Variants in CYP4F11 observed in about 807,000 individuals in gnomAD.
The protein encoded by CYP4F11 is cytochrome P450 4F11.
CYP4F11 carries 79 observed loss-of-function variants against 62.2 expected under a neutral mutation model. That is an observed-to-expected ratio of 1.27 (90% CI 1.06 to 1.53). The LOEUF (loss-of-function observed/expected upper bound fraction) is 1.53. Ranked by LOEUF, CYP4F11 falls within the 40% of genes most tolerant of loss-of-function variation. CYP4F11 has a pLI of 0.00. For synonymous variants in CYP4F11, 290 were observed against 263.7 expected, an observed-to-expected ratio of 1.10 and a Z score of -0.97; for missense variants, 777 against 680.5, an observed-to-expected ratio of 1.14 and a Z score of -1.58.
intron 1 of CYP4F11, among the ~76,000 whole-genome samples, chr19:15,931,431 G>A (rs985633819): frequency 5.3e-5 from 8 of 151,946 alleles, no homozygotes; most frequent in African/African-American, 1.5e-4. Context: ...GAGACCCTCA[G>A]AGGTGCAGTA....
At chr19:15,921,528 G>A (rs2089629142) in intron 8 of CYP4F11, among the ~76,000 whole-genome samples, 1 of 152,230 alleles carries the variant, frequency 6.6e-6, no homozygotes, top group South Asian at 2.1e-4. Context: ...GCTCTCCAGA[G>A]CACCGAAAGG....
In CYP4F11 at chr19:15,934,263, T is replaced by G; in HGVS notation, c.146A>C (p.Gln49Pro). 1 of 1,613,688 alleles carries G rather than the reference T, an allele frequency of 6.2e-7. No individual in the cohort carries two copies. Among genetic ancestry groups the G allele is most frequent in the Non-Finnish European group, 8.5e-7 (1 of 1,179,778 alleles). The change falls in exon 1 of 12, where the codon CAG becomes CCG. Residue 49 changes from glutamine (Q) to proline (P), a missense_variant. Physicochemically the swap from Gln to Pro is moderately conservative, Grantham distance 76. Coordinates refer to ENST00000402119, the MANE Select transcript of CYP4F11 (RefSeq NM_021187.4). ...YTFYDNCRRL[Q>P]CFPQPPKQNW... is the part of the protein sequence containing the mutation. ...CTGTTTCGGGGGTTGAGGAAAACAC[T>G]GGAGGCGGCGGCAGTTGTCATAGAA...
chr19:15,913,227 G>T lies in CYP4F11; in HGVS notation c.*505C>A. 6.1e-6 allele frequency: 1 copy of T among 163,522 alleles called. No individual in the cohort carries two copies. Among genetic ancestry groups the T allele is most frequent in the Non-Finnish European group, 1.4e-5 (1 of 73,658 alleles). The allele number at this position is 163,522 out of a possible 1,614,324, so 10.1% of individuals were successfully genotyped here. A position where few individuals can be genotyped will look rare whatever the true frequency, so the allele number is the denominator to read the frequency against. On this transcript the variant is annotated 3_prime_UTR_variant, in exon 12 of 12. Transcript: ENST00000402119. ...GAGTCACAGAGAGAACGCACTGGGAGGGGGAGAAACAGGGGTGGGAAGTTG... is the reference window on the plus strand; with the variant it reads ...GAGTCACAGAGAGAACGCACTGGGATGGGGAGAAACAGGGGTGGGAAGTTG...
rs3056072 is a variant in CYP4F11 at position 15,919,471 on chromosome 19, T to TATAGATAGATAGATAG, written c.1115+2550_1115+2565dup. 4.0e-3 allele frequency among the ~76,000 whole-genome samples: 540 copies of TATAGATAGATAGATAG among 136,652 alleles called. 1 individual carries two copies. The highest frequency in any genetic ancestry group is 8.1e-3 in the East Asian group (38 of 4,678). 89.6% of individuals were successfully genotyped at this position (136,652 alleles called of 152,430 possible). On this transcript the variant is annotated intron_variant, in intron 8 of 11. Transcript: ENST00000402119. Reference sequence around the variant, plus strand: ...GGATGGATGAACGGATGGACAGATGTATAGATAGATAGATAGATAGATAGA... The same window carrying TATAGATAGATAGATAG: ...GGATGGATGAACGGATGGACAGATGTATAGATAGATAGATAGATAGATAGATAGATAGATAGATAGA...
chr19:15,919,837 G>A (rs1022842925), intron 8 of CYP4F11, among the ~76,000 whole-genome samples: 4 of 152,140 alleles, frequency 2.6e-5, no homozygotes, highest in Non-Finnish European at 2.9e-5. Context: ...AAGACAAATA[G>A]CAAATGATCT....
At chr19:15,917,814 A>G (rs1482234497) in intron 8 of CYP4F11, among the ~76,000 whole-genome samples, 1 of 152,288 alleles carries the variant, frequency 6.6e-6, no homozygotes, top group African/African-American at 2.4e-5. Flanking sequence ...GTTCTATCCC[A>G]CTCTTATTTA....
intron 8 of CYP4F11, among the ~76,000 whole-genome samples, chr19:15,919,588 G>A (rs927119330): frequency 3.9e-5 from 6 of 151,988 alleles, no homozygotes; most frequent in Non-Finnish European, 5.9e-5. Context: ...TAGGGAAAGC[G>A]AGGATATTAG....
At chr19:15,915,002 C>T in intron 8 of CYP4F11, 107 bp from the exon 9 acceptor site, 2 of 1,493,620 alleles carry the variant, frequency 1.3e-6, no homozygotes, top group Admixed American at 2.4e-5. Context: ...AAATAAATTC[C>T]ACATGGATGA....
At chr19:15,916,483 C>T (rs1030964408) in intron 8 of CYP4F11, among the ~76,000 whole-genome samples, 1 of 152,134 alleles carries the variant, frequency 6.6e-6, no homozygotes, top group Non-Finnish European at 1.5e-5. Flanking sequence ...GCAGAGTAAA[C>T]AGGCAACCCA....
chr19:15,921,034 C>CTG, intron 8 of CYP4F11, among the ~76,000 whole-genome samples: 1 of 135,826 alleles, frequency 7.4e-6, no homozygotes, highest in African/African-American at 2.9e-5. Flanking sequence ...CACTCTTGGT[C>CTG]TCTCTCTCTC....
At chr19:15,934,048 AGGAATGAGTGAGTGG>A in intron 1 of CYP4F11, among the ~76,000 whole-genome samples, 148 bp downstream of exon 1, 2 of 141,052 alleles carry the variant, frequency 1.4e-5, no homozygotes, top group Non-Finnish European at 3.1e-5. Flanking sequence ...GAGCGGGGAG[AGGAATGAGTGAGTGG>A]GCAGAGGAAT....
At chr19:15,925,987 A>AC (rs1034717638) in intron 4 of CYP4F11, among the ~76,000 whole-genome samples, 4 of 151,362 alleles carry the variant, frequency 2.6e-5, no homozygotes, top group Non-Finnish European at 5.9e-5. Flanking sequence ...ACATGGTGAA[A>AC]CCCCGTCTCT....
intron 8 of CYP4F11, among the ~76,000 whole-genome samples, chr19:15,916,385 AC>A (rs2089583888): frequency 6.6e-6 from 1 of 152,202 alleles, no homozygotes; most frequent in South Asian, 2.1e-4. Flanking sequence ...CATGACTAAG[AC>A]CTCAAAAGCA....
chr19:15,925,991 C>T (rs1320867794), intron 4 of CYP4F11, among the ~76,000 whole-genome samples: 3 of 151,628 alleles, frequency 2.0e-5, no homozygotes, highest in African/African-American at 4.8e-5. Context: ...GGTGAAACCC[C>T]GTCTCTACTA....
chr19:15,919,165 T>C (rs1404641546), intron 8 of CYP4F11, among the ~76,000 whole-genome samples: 2 of 148,102 alleles, frequency 1.4e-5, no homozygotes, highest in Non-Finnish European at 3.0e-5. Context: ...TATATGGAAA[T>C]ATATATTTCT....
Position 15,922,446 on chromosome 19 carries a change from G to A in CYP4F11, c.919-16C>T. ...CATCTTCATCCTGGAGAGAAGGCAAGACAATATCCCTGCCCCAAATCACAC... is the reference window on the plus strand; with the variant it reads ...CATCTTCATCCTGGAGAGAAGGCAAAACAATATCCCTGCCCCAAATCACAC... On this transcript the variant is annotated splice_polypyrimidine_tract_variant and intron_variant, in intron 6 of 11. Coordinates refer to ENST00000402119, the MANE Select transcript of CYP4F11 (RefSeq NM_021187.4). The A allele has an allele frequency of 6.2e-7, 1 of 1,613,604 alleles. No individual in the cohort carries two copies. Among genetic ancestry groups the A allele is most frequent in the Non-Finnish European group, 8.5e-7 (1 of 1,179,578 alleles).
intron 6 of CYP4F11, 23 bp downstream of exon 6, chr19:15,923,789 A>C: frequency 6.2e-7 from 1 of 1,602,358 alleles, no homozygotes; most frequent in South Asian, 1.1e-5. Flanking sequence ...TATTACTTGA[A>C]TTCACATCCC....
At chr19:15,931,172 C>T (rs955633160) in intron 1 of CYP4F11, among the ~76,000 whole-genome samples, 1 of 151,790 alleles carries the variant, frequency 6.6e-6, no homozygotes, top group African/African-American at 2.4e-5. Flanking sequence ...AGGAAGGTGC[C>T]TCCAGAAAAG....
chr19:15,931,311 A>G (rs1346320294), intron 1 of CYP4F11, among the ~76,000 whole-genome samples: 1 of 151,838 alleles, frequency 6.6e-6, no homozygotes, highest in Non-Finnish European at 1.5e-5. Context: ...CAAATGGGCC[A>G]GGCAGGGAGT....
Sources: gnomAD v4.1 joint callset for allele counts (sites outside exome capture counted in the v4.1 genomes callset) on GRCh38, gnomAD v4.1.1 for gene constraint, MANE v1.5 for transcripts, NCBI Gene and HGNC (gene_info 2026-07-23, HGNC 2026-07-21) for gene names.